The following NADK2 variants were observed in gnomAD, a reference collection of about 807,000 sequenced individuals.
The protein encoded by NADK2 is NAD kinase domain-containing protein 1, mitochondrial.
A neutral mutation model predicts 62.1 loss-of-function variants in NADK2; 35 were observed. That is an observed-to-expected ratio of 0.56 (90% confidence interval 0.43 to 0.75). NADK2 has a LOEUF of 0.75. NADK2 is among the 30% of genes least tolerant of loss of function. The probability of loss-of-function intolerance (pLI) is 0.00; values close to 1 mark genes in which losing one functional copy is unlikely to be tolerated. For synonymous variants in NADK2, 205 were observed against 207.9 expected (o/e 0.99, Z 0.12); for missense variants, 439 against 561.3 (o/e 0.78, Z 2.20).
intron 1 of NADK2, among the ~76,000 whole-genome samples, chr5:36,237,462 C>G (rs1747951949): frequency 6.6e-6 from 1 of 152,116 alleles, no homozygotes; most frequent in South Asian, 2.1e-4. Context: ...GAAGAAAACA[C>G]AAGAAATTGA....
intron 1 of NADK2, among the ~76,000 whole-genome samples, chr5:36,238,929 T>C (rs1166802516): frequency 6.6e-6 from 1 of 152,220 alleles, no homozygotes; most frequent in Non-Finnish European, 1.5e-5. Flanking sequence ...TGTAATTGTT[T>C]ACATTTCTAC....
intron 1 of NADK2, among the ~76,000 whole-genome samples, 157 bp from the exon 2 acceptor site, chr5:36,227,722 C>T (rs1274882683): frequency 1.3e-5 from 2 of 152,028 alleles, no homozygotes; most frequent in African/African-American, 2.4e-5. Context: ...AACTAGAAAG[C>T]CTGATATCAG....
chr5:36,195,953 A>G (rs892840365), intron 11 of NADK2, among the ~76,000 whole-genome samples: 1 of 146,728 alleles, frequency 6.8e-6, no homozygotes, highest in African/African-American at 2.4e-5. Context: ...AAATTCAGCC[A>G]TATTAGTACA....
chr5:36,199,752 C>G (rs577902575), intron 10 of NADK2, among the ~76,000 whole-genome samples: 34 of 151,974 alleles, frequency 2.2e-4, no homozygotes, highest in Non-Finnish European at 4.0e-4. Context: ...CCTACGATTT[C>G]AGATTTCTTC....
Position 36,200,259 on chromosome 5 carries a change from C to T in NADK2, c.1034G>A (p.Ser345Asn). The stretch of plus-strand genomic sequence containing the variant: ...TACCAATTCTCTGTTCAATGGAAGA[C>T]TCAAATTTCCTTGTCGTTTTGCTGT... ...LNIAKRQGNLSLPLNRELVEK... is the reference protein window; with the variant it reads ...LNIAKRQGNLNLPLNRELVEK... Residue 345 changes from serine (S) to asparagine (N), a missense_variant, in exon 10 of 12, where the codon AGT becomes AAT. By Grantham distance (46) the Ser-to-Asn change is conservative. Coordinates refer to ENST00000381937, the MANE Select transcript of NADK2 (RefSeq NM_001085411.3). 6.3e-7 allele frequency: 1 copy of T among 1,582,686 alleles called. No individual in the cohort carries two copies. The highest frequency in any genetic ancestry group is 1.2e-5 in the South Asian group (1 of 86,330).
chr5:36,215,555 T>C (rs983753638), intron 6 of NADK2, among the ~76,000 whole-genome samples: 2 of 152,172 alleles, frequency 1.3e-5, no homozygotes, highest in Non-Finnish European at 2.9e-5. Context: ...ATTCCTTCCA[T>C]CTAAGTGCAT....
chr5:36,229,241 T>C (rs1561073564), intron 1 of NADK2, among the ~76,000 whole-genome samples: 1 of 152,178 alleles, frequency 6.6e-6, no homozygotes, highest in Admixed American at 6.5e-5. Context: ...TGAGGAAGCA[T>C]TTGGCTATTG....
Position 36,194,973 on chromosome 5 carries a change from A to T in NADK2, c.*171T>A. ...AGTCCATCCATTTTCTTATACAGTG[A>T]ATGTCTTTTTTTCTATCAGAATCCA... On this transcript the variant is annotated 3_prime_UTR_variant, in exon 12 of 12. Transcript: ENST00000381937. 1.6e-6 allele frequency: 1 copy of T among 619,062 alleles called. No individual in the cohort carries two copies. Among genetic ancestry groups the T allele is most frequent in the Non-Finnish European group, 2.6e-6 (1 of 380,036 alleles). The allele number at this position is 619,062 out of a possible 1,614,324, so 38.3% of individuals were successfully genotyped here.
At chr5:36,235,642 A>C (rs76843742) in intron 1 of NADK2, among the ~76,000 whole-genome samples, 1 of 152,100 alleles carries the variant, frequency 6.6e-6, no homozygotes, top group African/African-American at 2.4e-5. Flanking sequence ...TAACATTCCT[A>C]CATTAGCCAT....
At position 36,225,191 on chromosome 5, in the gene NADK2, C is replaced by A. The variant is rs78002979; in HGVS notation, c.560+351G>T. 0.012 allele frequency among the ~76,000 whole-genome samples: 1,836 copies of A among 152,224 alleles called. 150 individuals carry two copies. The East Asian group carries it at 0.21, about 18-fold the overall frequency. On this transcript the variant is annotated intron_variant, in intron 4 of 11. Transcript: ENST00000381937. Reference sequence around the variant, plus strand: ...TGTATATATATTTTTCATGCCTGAGCTTAAAACTAGAGCTATATCCTTGAA... The same window carrying A: ...TGTATATATATTTTTCATGCCTGAGATTAAAACTAGAGCTATATCCTTGAA...
At chr5:36,221,768 T>C (rs548857901) in intron 4 of NADK2, 15 of 152,336 alleles carry the variant, frequency 9.8e-5, no homozygotes, top group African/African-American at 3.6e-4. Context: ...AAAGAAAATA[T>C]AGTTCAATAA....
chr5:36,207,254 T>C lies in NADK2; in HGVS notation c.872A>G (p.Tyr291Cys). 1.2e-6 allele frequency: 2 copies of C among 1,611,698 alleles called. No individual in the cohort carries two copies. The highest frequency in any genetic ancestry group is 1.1e-5 in the South Asian group (1 of 90,902). ...GESLSSRASY[Y>C]EISVDDGPWE... ...TGGACCATCATCAACTGAAATCTCA[T>C]AGTAGGAAGCCCTGTGAATTGAGAA... Residue 291 changes from tyrosine (Y) to cysteine (C), a missense_variant, in exon 8 of 12, where the codon TAT becomes TGT. Coordinates refer to ENST00000381937, the MANE Select transcript of NADK2 (RefSeq NM_001085411.3).
chr5:36,193,603 CACT>C lies in NADK2; in HGVS notation c.*1538_*1540del, dbSNP rs535617851. 173 of 146,086 alleles carry C rather than the reference CACT, an allele frequency of 1.2e-3. No homozygotes were observed. The highest frequency in any genetic ancestry group is 4.1e-3 in the African/African-American group (162 of 39,664). The allele number at this position is 146,086 out of a possible 1,614,324, so 9.0% of individuals were successfully genotyped here. ...AAAGCCAGATCAATCTCTGGGAAAA[CACT>C]ACATTTTAATGTATTTCTATCTGAT... On this transcript the variant is annotated 3_prime_UTR_variant, in exon 12 of 12. Coordinates refer to ENST00000381937, the MANE Select transcript of NADK2 (RefSeq NM_001085411.3).
chr5:36,200,311 G>A (rs777211690), intron 9 of NADK2, 31 bp from the exon 10 acceptor site: 1 of 1,471,412 alleles, frequency 6.8e-7, no homozygotes, highest in Admixed American at 2.1e-5. Flanking sequence ...GAAAATGTAT[G>A]TTATAAATAT....
rs758369583 is a variant in NADK2 at position 36,217,778 on chromosome 5, C to T, written c.751G>A (p.Ala251Thr). 4.3e-6 allele frequency: 7 copies of T among 1,613,878 alleles called. No individual in the cohort carries two copies. In the South Asian group the frequency reaches 7.7e-5, roughly 18 times the overall value. The change falls in exon 6 of 12, where the codon GCC becomes ACC. Residue 251 changes from alanine to threonine, a missense_variant. Physicochemically the swap from Ala to Thr is moderately conservative, Grantham distance 58 (BLOSUM62 0). Transcript: ENST00000381937. ...QQLSLNQHNR[A>T]LNIERAHDER... ...TCATGAGCTCTTTCAATGTTAAGGG[C>T]TCTATTGTGCTGATTCAAGCTTAGC...
intron 1 of NADK2, among the ~76,000 whole-genome samples, chr5:36,235,626 T>G (rs780361267): frequency 6.6e-6 from 1 of 152,130 alleles, no homozygotes; most frequent in Non-Finnish European, 1.5e-5. Flanking sequence ...TGCAGCCACA[T>G]ACTACTAACA....
chr5:36,210,733 T>C (rs1251202426), intron 7 of NADK2, among the ~76,000 whole-genome samples: 1 of 152,164 alleles, frequency 6.6e-6, no homozygotes, highest in Non-Finnish European at 1.5e-5. Flanking sequence ...TAAAAACAAG[T>C]AAACAAATTA....
Position 36,193,318 on chromosome 5 carries a change from TA to T in NADK2, c.*1825del, listed in dbSNP as rs1250681991. On this transcript the variant is annotated 3_prime_UTR_variant, in exon 12 of 12. Transcript: ENST00000381937. ...GGTGAATCCCCATATCTACTAAAAA[TA>T]CAAAAAATTAGCCAGGCATAGTGGT... The T allele has an allele frequency of 1.3e-5, 2 of 151,520 alleles. No homozygotes were observed. Among genetic ancestry groups the T allele is most frequent in the Non-Finnish European group, 2.9e-5 (2 of 67,910 alleles). 9.4% of individuals were successfully genotyped at this position (151,520 alleles called of 1,614,324 possible).
intron 7 of NADK2, chr5:36,208,829 C>T (rs950924642): frequency 4.9e-6 from 3 of 618,442 alleles, no homozygotes; most frequent in Admixed American, 3.0e-5. Flanking sequence ...GTTTTCAGAG[C>T]ATAGTGAAGC....
Sources: allele counts gnomAD v4.1 joint callset (sites outside exome capture counted in the v4.1 genomes callset), GRCh38; gene constraint gnomAD v4.1.1; transcripts MANE v1.5; gene names NCBI Gene and HGNC (gene_info 2026-07-23, HGNC 2026-07-21).